The following SLIT3 variants were observed in gnomAD, a reference collection of about 807,000 sequenced individuals.
SLIT3 encodes the protein slit homolog 3 protein.
SLIT3 carries 68 observed loss-of-function variants against 184.0 expected under a neutral mutation model. That is an observed-to-expected ratio of 0.37 (90% confidence interval 0.30 to 0.45). The LOEUF (loss-of-function observed/expected upper bound fraction) is 0.45. SLIT3 is among the 20% of genes least tolerant of loss of function. SLIT3 has a pLI of 1.00. For missense variants in SLIT3, 1,707 were observed against 2,026.0 expected, an observed-to-expected ratio of 0.84 and a Z score of 3.02; for synonymous variants, 831 against 828.6, an observed-to-expected ratio of 1.00 and a Z score of -0.05.
At chr5:168,769,363 C>T (rs1311460740) in intron 14 of SLIT3, among the ~76,000 whole-genome samples, 2 of 152,194 alleles carry the variant, frequency 1.3e-5, no homozygotes, top group Non-Finnish European at 1.5e-5. Flanking sequence ...CTGAGACCCT[C>T]CCTGCCTGAC....
chr5:168,985,873 A>G (rs62378599), intron 4 of SLIT3, among the ~76,000 whole-genome samples: 3,559 of 152,188 alleles, frequency 0.023, 57 homozygotes, highest in Non-Finnish European at 0.035. Context: ...GAGACAGAGT[A>G]TGGTGGTTGT....
At chr5:168,988,555 A>T (rs2113378415) in intron 4 of SLIT3, among the ~76,000 whole-genome samples, 1 of 152,300 alleles carries the variant, frequency 6.6e-6, no homozygotes, top group East Asian at 1.9e-4. Context: ...GGCTTCCTGG[A>T]CGTTCCCTCA....
intron 3 of SLIT3, among the ~76,000 whole-genome samples, chr5:169,224,378 T>TTA (rs1764723903): frequency 3.8e-5 from 3 of 78,272 alleles, no homozygotes; most frequent in Admixed American, 1.5e-4. Context: ...TATTTATTTA[T>TTA]TTATTTATTT....
At chr5:169,236,105 CCATTT>C (rs1325106356) in intron 3 of SLIT3, among the ~76,000 whole-genome samples, 5 of 152,272 alleles carry the variant, frequency 3.3e-5, no homozygotes, top group East Asian at 3.9e-4. Flanking sequence ...TCTCTTTATT[CCATTT>C]ATTTATTTAC....
intron 4 of SLIT3, among the ~76,000 whole-genome samples, chr5:169,168,163 C>T (rs1459314023): frequency 6.6e-6 from 1 of 152,192 alleles, no homozygotes; most frequent in African/African-American, 2.4e-5. Context: ...CTCCTGGGCC[C>T]TTCACTCTAA....
At chr5:168,963,125 CCT>C (rs1348857230) in intron 4 of SLIT3, among the ~76,000 whole-genome samples, 7 of 152,204 alleles carry the variant, frequency 4.6e-5, no homozygotes, top group African/African-American at 1.4e-4. Context: ...GATCCCACTC[CCT>C]GTTTTTGTAA....
chr5:168,852,563 CCT>C (rs1758718462), intron 5 of SLIT3, among the ~76,000 whole-genome samples: 1 of 152,202 alleles, frequency 6.6e-6, no homozygotes, highest in African/African-American at 2.4e-5. Flanking sequence ...GGGAGTGCTC[CCT>C]GACAGTGCAC....
At chr5:169,253,240 T>A (rs1765837210) in intron 1 of SLIT3, among the ~76,000 whole-genome samples, 1 of 152,168 alleles carries the variant, frequency 6.6e-6, no homozygotes, top group African/African-American at 2.4e-5. Flanking sequence ...TTTGGGGACC[T>A]TGACAACTGT....
intron 7 of SLIT3, among the ~76,000 whole-genome samples, chr5:168,819,652 A>G (rs945810377): frequency 2.6e-5 from 4 of 152,244 alleles, no homozygotes; most frequent in African/African-American, 9.6e-5. Context: ...TCAATGGAAC[A>G]ACAAAAATGA....
intron 14 of SLIT3, chr5:168,772,508 G>A: frequency 2.1e-6 from 1 of 478,146 alleles, no homozygotes; most frequent in South Asian, 2.5e-5. Context: ...TTAGCTCTTG[G>A]AGACACGCTG....
intron 4 of SLIT3, among the ~76,000 whole-genome samples, chr5:168,954,493 C>T (rs1187778082): frequency 6.6e-6 from 1 of 152,114 alleles, no homozygotes; most frequent in Non-Finnish European, 1.5e-5. Flanking sequence ...ATTCCCGGCT[C>T]ACAGCTCAAA....
intron 4 of SLIT3, among the ~76,000 whole-genome samples, chr5:169,043,413 A>C (rs994581524): frequency 1.3e-5 from 2 of 152,236 alleles, no homozygotes; most frequent in African/African-American, 4.8e-5. Flanking sequence ...TGTTTGATGC[A>C]GATCCTTCAG....
intron 4 of SLIT3, chr5:169,120,007 A>C (rs1051991358): frequency 3.3e-5 from 5 of 152,236 alleles, no homozygotes; most frequent in Non-Finnish European, 7.3e-5. Flanking sequence ...AGCTACGTTC[A>C]TCAGCTTTCA....
intron 4 of SLIT3, among the ~76,000 whole-genome samples, chr5:168,907,944 G>GTATA (rs1224392381): frequency 2.6e-3 from 135 of 52,876 alleles, no homozygotes; most frequent in Middle Eastern, 0.015. Flanking sequence ...TATTATACGT[G>GTATA]TATATATATA....
At chr5:169,157,010 C>T (rs975203209) in intron 4 of SLIT3, among the ~76,000 whole-genome samples, 4 of 152,060 alleles carry the variant, frequency 2.6e-5, no homozygotes, top group African/African-American at 4.8e-5. Flanking sequence ...TTGACTCTAA[C>T]GAGATACCAC....
intron 4 of SLIT3, among the ~76,000 whole-genome samples, chr5:168,965,561 T>C (rs1262800459): frequency 6.6e-6 from 1 of 152,242 alleles, no homozygotes; most frequent in Non-Finnish European, 1.5e-5. Flanking sequence ...GAGTTCTGCC[T>C]ACTCACACAT....
At chr5:168,968,427 A>G (rs1360869088) in intron 4 of SLIT3, among the ~76,000 whole-genome samples, 2 of 152,194 alleles carry the variant, frequency 1.3e-5, no homozygotes, top group Non-Finnish European at 2.9e-5. Flanking sequence ...ACCTTGGCAG[A>G]CACCACTCTT....
chr5:168,974,083 CCTAT>C (rs1343028873), intron 4 of SLIT3, among the ~76,000 whole-genome samples: 1 of 152,148 alleles, frequency 6.6e-6, no homozygotes, highest in African/African-American at 2.4e-5. Context: ...TCTCCACCTA[CCTAT>C]CTACCTACCC....
intron 8 of SLIT3, among the ~76,000 whole-genome samples, chr5:168,815,013 C>T (rs1757290742): frequency 6.6e-6 from 1 of 152,128 alleles, no homozygotes; most frequent in African/African-American, 2.4e-5. Context: ...ATGTCCCTGC[C>T]CTTAATTCAT....
Sources: allele counts gnomAD v4.1 joint callset (sites outside exome capture counted in the v4.1 genomes callset), GRCh38; gene constraint gnomAD v4.1.1; transcripts MANE v1.5; gene names NCBI Gene and HGNC (gene_info 2026-07-23, HGNC 2026-07-21).